The following MAP3K4 variants were observed in gnomAD, a reference collection of about 807,000 sequenced individuals.
MAP3K4 encodes mitogen-activated protein kinase kinase kinase 4.
A neutral mutation model predicts 185.6 loss-of-function variants in MAP3K4; 67 were observed. The ratio of observed to expected loss-of-function variants is 0.36; its 90% confidence interval spans 0.30 to 0.44. The LOEUF (loss-of-function observed/expected upper bound fraction) is 0.44. MAP3K4 is among the 20% of genes least tolerant of loss of function. The pLI is 1.00. For synonymous variants in MAP3K4, 702 were observed against 710.4 expected (o/e 0.99, Z 0.19); for missense variants, 1,551 against 1,995.1 (o/e 0.78, Z 4.24).
rs1778543807 is a variant in MAP3K4 at position 161,115,331 on chromosome 6, C to T, written c.4806+29C>T. The T allele has an allele frequency of 1.3e-6, 2 of 1,576,892 alleles. No individual in the cohort carries two copies. The highest frequency in any genetic ancestry group is 1.7e-6 in the Non-Finnish European group (2 of 1,157,494). ...TGGCAGATTACTGGATAGTCTTTTTCATGTTTAAGTGTTTAAGTTCTGTTT... is the reference window on the plus strand; with the variant it reads ...TGGCAGATTACTGGATAGTCTTTTTTATGTTTAAGTGTTTAAGTTCTGTTT... On this transcript the variant is annotated intron_variant, in intron 26 of 26. Coordinates refer to ENST00000392142, the MANE Select transcript of MAP3K4 (RefSeq NM_005922.4). The surrounding 1 kb of genome is among the most constrained non-coding windows in gnomAD (Gnocchi z 6.0).
At chr6:161,044,708 A>G (rs769048109) in intron 2 of MAP3K4, among the ~76,000 whole-genome samples, 1 of 152,208 alleles carries the variant, frequency 6.6e-6, no homozygotes, top group Non-Finnish European at 1.5e-5. Context: ...AAAGAGGTGT[A>G]TTTGGCTCAT....
chr6:161,040,153 A>G (rs1289937849), intron 2 of MAP3K4, among the ~76,000 whole-genome samples: 1 of 152,218 alleles, frequency 6.6e-6, no homozygotes, highest in Non-Finnish European at 1.5e-5. Context: ...TAGTAATATA[A>G]AAATCTGCCA....
At chr6:160,997,098 T>C (rs550673557) in intron 1 of MAP3K4, among the ~76,000 whole-genome samples, 32 of 152,216 alleles carry the variant, frequency 2.1e-4, no homozygotes, top group Admixed American at 2.1e-3. Context: ...CAAACCTTGC[T>C]TTTCCTGCTT....
intron 2 of MAP3K4, among the ~76,000 whole-genome samples, chr6:161,045,943 T>C (rs977606460): frequency 1.3e-5 from 2 of 152,208 alleles, no homozygotes; most frequent in Non-Finnish European, 2.9e-5. Context: ...TGCACACTTT[T>C]CTTGGATGTT....
chr6:161,107,891 G>T lies in MAP3K4; in HGVS notation c.4049-8G>T, dbSNP rs1778161344. ...GCTGGAAGTGCAGCTTGTTTGCATT[G>T]TTCACAGGAGAAGGCCAGTATGGGA... On this transcript the variant is annotated splice_region_variant and splice_polypyrimidine_tract_variant and intron_variant, in intron 20 of 26. Coordinates refer to ENST00000392142, the MANE Select transcript of MAP3K4 (RefSeq NM_005922.4). The surrounding 1 kb of genome is among the most constrained non-coding windows in gnomAD (Gnocchi z 6.2). 5.6e-6 allele frequency: 9 copies of T among 1,613,302 alleles called. No individual in the cohort carries two copies. Among genetic ancestry groups the T allele is most frequent in the Non-Finnish European group, 7.6e-6 (9 of 1,179,304 alleles).
intron 1 of MAP3K4, among the ~76,000 whole-genome samples, chr6:161,025,014 T>C (rs1304608113): frequency 6.8e-6 from 1 of 146,782 alleles, no homozygotes; most frequent in Non-Finnish European, 1.5e-5. Flanking sequence ...CATCCATCCA[T>C]CCACCCATCC....
In MAP3K4 at chr6:161,037,419, T is replaced by G. The variant is rs890584758; in HGVS notation, c.343+2970T>G. 6.6e-6 allele frequency among the ~76,000 whole-genome samples: 1 copy of G among 152,060 alleles called. No individual in the cohort carries two copies. The highest frequency in any genetic ancestry group is 1.5e-5 in the Non-Finnish European group (1 of 67,998). On this transcript the variant is annotated intron_variant, in intron 2 of 26. Transcript: ENST00000392142. The surrounding 1 kb of genome is among the most constrained non-coding windows in gnomAD (Gnocchi z 4.2). ...CATCATTATTATTGTAAACTCAGGA[T>G]TTCTTTTATTTTTTCTGAGACGGAG...
rs1293638816 is a variant in MAP3K4 at position 161,054,534 on chromosome 6, C to G, written c.1707+4555C>G. On this transcript the variant is annotated intron_variant, in intron 3 of 26. Transcript: ENST00000392142. This position sits in a 1 kb window ranked among gnomAD's most constrained non-coding sequence, Gnocchi z 4.2. ...TGAACTAGCAATACTAAAAAAAAATCTGTTTGCAGTTTGTTTTCATAATAT... is the reference window on the plus strand; with the variant it reads ...TGAACTAGCAATACTAAAAAAAAATGTGTTTGCAGTTTGTTTTCATAATAT... Among the ~76,000 whole-genome samples the G allele has an allele frequency of 1.3e-5, 2 of 152,134 alleles. No homozygotes were observed. The highest frequency in any genetic ancestry group is 2.4e-5 in the African/African-American group (1 of 41,420).
In MAP3K4 at chr6:161,107,642, C is replaced by A. The variant is rs1045214389; in HGVS notation, c.4049-257C>A. Among the ~76,000 whole-genome samples the A allele has an allele frequency of 6.6e-6, 1 of 152,102 alleles. No individual in the cohort carries two copies. Among genetic ancestry groups the A allele is most frequent in the Non-Finnish European group, 1.5e-5 (1 of 68,006 alleles). On this transcript the variant is annotated intron_variant, in intron 20 of 26. Transcript: ENST00000392142. This position sits in a 1 kb window ranked among gnomAD's most constrained non-coding sequence, Gnocchi z 6.2. ...TTTATTGGTCATTTTCATGCTTCTC[C>A]TGGAATTTACCAAAGTCGGTTCTGC...
chr6:161,071,967 A>G lies in MAP3K4; in HGVS notation c.1950+1117A>G, dbSNP rs1445735149. The stretch of plus-strand genomic sequence containing the variant: ...GAGTTTATCTTTTGTTGATGGGGCT[A>G]TTGTGAGGACTAAATAGTAATGTAT... On this transcript the variant is annotated intron_variant, in intron 4 of 26. Coordinates refer to ENST00000392142, the MANE Select transcript of MAP3K4 (RefSeq NM_005922.4). This position sits in a 1 kb window ranked among gnomAD's most constrained non-coding sequence, Gnocchi z 4.6. Among the ~76,000 whole-genome samples the G allele has an allele frequency of 6.6e-6, 1 of 152,224 alleles. No homozygotes were observed. Among genetic ancestry groups the G allele is most frequent in the Non-Finnish European group, 1.5e-5 (1 of 68,038 alleles).
In MAP3K4 at chr6:161,063,019, A is replaced by G. The variant is rs1056192846; in HGVS notation, c.1708-7589A>G. ...CCTGTCTTCTCTGTCATTTCATTTC[A>G]GATCTTTTCTTTTTCTTAGTTTCTT... On this transcript the variant is annotated intron_variant, in intron 3 of 26. Coordinates refer to ENST00000392142, the MANE Select transcript of MAP3K4 (RefSeq NM_005922.4). This position sits in a 1 kb window ranked among gnomAD's most constrained non-coding sequence, Gnocchi z 5.4. Among the ~76,000 whole-genome samples the G allele has an allele frequency of 6.6e-5, 10 of 151,558 alleles. No individual in the cohort carries two copies. Among genetic ancestry groups the G allele is most frequent in the South Asian group, 2.1e-4 (1 of 4,812 alleles).
chr6:161,047,962 A>G (rs1334935200), intron 2 of MAP3K4, among the ~76,000 whole-genome samples: 1 of 152,226 alleles, frequency 6.6e-6, no homozygotes, highest in Non-Finnish European at 1.5e-5. Flanking sequence ...AAATTAGTCT[A>G]TATGTCTTCA....
Position 161,100,563 on chromosome 6 carries a change from G to A in MAP3K4, c.3675-1329G>A. Among the ~76,000 whole-genome samples the A allele has an allele frequency of 6.6e-6, 1 of 152,120 alleles. No individual in the cohort carries two copies. The highest frequency in any genetic ancestry group is 1.5e-5 in the Non-Finnish European group (1 of 68,040). On this transcript the variant is annotated intron_variant, in intron 17 of 26. Transcript: ENST00000392142. The surrounding 1 kb of genome is among the most constrained non-coding windows in gnomAD (Gnocchi z 5.8). ...GAATGTTTGAGAAATTTTGCAAGTT[G>A]TTATACCACAGAAATTGGCAAACTC...
chr6:161,082,439 T>TTTGCTTGTCCTTCTTTGTGTTTCTATC lies in MAP3K4; in HGVS notation c.2255+1403_2255+1404insGCTTGTCCTTCTTTGTGTTTCTATCTT, dbSNP rs1169795808. On this transcript the variant is annotated intron_variant, in intron 6 of 26. Coordinates refer to ENST00000392142, the MANE Select transcript of MAP3K4 (RefSeq NM_005922.4). The surrounding 1 kb of genome is among the most constrained non-coding windows in gnomAD (Gnocchi z 4.2). ...TCTTGTCAGTCTTTGTGTTTCTATCTTTTGCTTGTCCTTCAAATTCCCTAG... is the reference window on the plus strand; with the variant it reads ...TCTTGTCAGTCTTTGTGTTTCTATCTTTGCTTGTCCTTCTTTGTGTTTCTATCTTTGCTTGTCCTTCAAATTCCCTAG... Among the ~76,000 whole-genome samples, 138 of 1,994 alleles carry TTTGCTTGTCCTTCTTTGTGTTTCTATC rather than the reference T, an allele frequency of 0.069. 1 individual carries two copies. Among genetic ancestry groups the TTTGCTTGTCCTTCTTTGTGTTTCTATC allele is most frequent in the African/African-American group, 0.35 (136 of 386 alleles). The allele number at this position is 1,994 out of a possible 152,430, so 1.3% of individuals were successfully genotyped here. A position where few individuals can be genotyped will look rare whatever the true frequency, so the allele number is the denominator to read the frequency against.
intron 18 of MAP3K4, 151 bp downstream of exon 18, chr6:161,102,143 C>T: frequency 1.6e-6 from 1 of 621,178 alleles, no homozygotes; most frequent in Admixed American, 3.1e-5. Context: ...AAGCACAGAG[C>T]TTTATGAGAA....
rs1389880701 is a variant in MAP3K4 at position 161,056,490 on chromosome 6, A to G, written c.1707+6511A>G. On this transcript the variant is annotated intron_variant, in intron 3 of 26. Coordinates refer to ENST00000392142, the MANE Select transcript of MAP3K4 (RefSeq NM_005922.4). This position sits in a 1 kb window ranked among gnomAD's most constrained non-coding sequence, Gnocchi z 5.4. ...CTGATGTCTTTCGCTCTGATTCAGC[A>G]CAAGGTTCATTCCGACTTTCCTCCC... Among the ~76,000 whole-genome samples, 2 of 152,208 alleles carry G rather than the reference A, an allele frequency of 1.3e-5. No homozygotes were observed. Among genetic ancestry groups the G allele is most frequent in the African/African-American group, 4.8e-5 (2 of 41,454 alleles).
rs7747038 is a variant in MAP3K4, at chr6:161,091,360, C to G, written c.2974-19C>G. The G allele has an allele frequency of 4.2e-3, 6,727 of 1,595,898 alleles. 267 individuals carry two copies. In the African/African-American group the frequency reaches 0.078, roughly 19 times the overall value. ...ATGATTTGCTTCATTTTGCATTAAT[C>G]ATGGTTTGGACTCTTCAGAATGATG... is the stretch of plus-strand genomic sequence containing the variant. On this transcript the variant is annotated intron_variant, in intron 11 of 26. Coordinates refer to ENST00000392142, the MANE Select transcript of MAP3K4 (RefSeq NM_005922.4). This position sits in a 1 kb window ranked among gnomAD's most constrained non-coding sequence, Gnocchi z 5.5.
At chr6:161,035,093 G>A (rs554513378) in intron 2 of MAP3K4, among the ~76,000 whole-genome samples, 14 of 151,694 alleles carry the variant, frequency 9.2e-5, no homozygotes, top group Non-Finnish European at 1.5e-4. Context: ...TTCTTTTTTT[G>A]TGGTAGATGA....
In MAP3K4 at chr6:160,991,971, T is replaced by G. The variant is rs1353208088; in HGVS notation, c.40T>G (p.Phe14Val). The G allele has an allele frequency of 1.3e-6, 2 of 1,545,092 alleles. No individual in the cohort carries two copies. Among genetic ancestry groups the G allele is most frequent in the Admixed American group, 3.8e-5 (2 of 53,200 alleles). Reference protein sequence around the residue: ...AAAALVPPPAFAVTPAAAMEE... With the variant: ...AAAALVPPPAVAVTPAAAMEE... The stretch of plus-strand genomic sequence containing the variant: ...TGCCGCGCTGGTCCCTCCTCCCGCC[T>G]TTGCCGTCACGCCTGCCGCCGCCAT... Residue 14 changes from phenylalanine to valine, a missense_variant, in exon 1 of 27, where the codon TTT becomes GTT. Phe to Val is a conservative substitution (Grantham distance 50). This residue lies in a region of MAP3K4 where 287 missense variants were observed against 268.8 expected (regional missense o/e 1.07). Transcript: ENST00000392142. This position sits in a 1 kb window ranked among gnomAD's most constrained non-coding sequence, Gnocchi z 5.7.
Sources: gnomAD v4.1 joint callset for allele counts (sites outside exome capture counted in the v4.1 genomes callset) on GRCh38, gnomAD v4.1.1 for gene constraint, gnomAD v4.1.1 regional missense constraint, Gnocchi (gnomAD v3.1) non-coding constraint, MANE v1.5 for transcripts, NCBI Gene and HGNC (gene_info 2026-07-23, HGNC 2026-07-21) for gene names.